Variants in PHYKPL observed in about 807,000 individuals in gnomAD.
PHYKPL encodes the protein 5-phosphonooxy-L-lysine phospho-lyase.
In PHYKPL, 42 loss-of-function variants were observed where a neutral mutation model predicts 51.3. The observed-to-expected ratio is 0.82, with a 90% CI of 0.64 to 1.06. PHYKPL has a LOEUF of 1.06. PHYKPL is among the 50% of genes least tolerant of loss of function. The pLI, the probability that PHYKPL is intolerant of heterozygous loss-of-function variation, is 0.00. For missense variants in PHYKPL, 655 were observed against 586.6 expected, an observed-to-expected ratio of 1.12 and a Z score of -1.20; for synonymous variants, 264 against 236.0, an observed-to-expected ratio of 1.12 and a Z score of -1.09.
Position 178,215,257 on chromosome 5 carries a change from G to A in PHYKPL, c.1082+19C>T. 3 of 1,613,822 alleles carry A rather than the reference G, an allele frequency of 1.9e-6. No individual in the cohort carries two copies. The highest frequency in any genetic ancestry group is 2.5e-6 in the Non-Finnish European group (3 of 1,179,896). ...GGGCCTTGGCAGGTGGGTGGTGACT[G>A]CTGCCCCCAGAGCCTCACCTGACAT... On this transcript the variant is annotated intron_variant, in intron 9 of 12. Coordinates refer to ENST00000308158, the MANE Select transcript of PHYKPL (RefSeq NM_153373.4).
Position 178,231,463 on chromosome 5 carries a change from C to G in PHYKPL, c.120G>C (p.Gln40His), listed in dbSNP as rs747362823. 1 of 1,614,204 alleles carries G rather than the reference C, an allele frequency of 6.2e-7. No homozygotes were observed. The highest frequency in any genetic ancestry group is 8.5e-7 in the Non-Finnish European group (1 of 1,180,032). The change falls in exon 2 of 13, where the codon CAG (glutamine) becomes CAC (histidine). Residue 40 changes from glutamine to histidine, a missense_variant. Coordinates refer to ENST00000308158, the MANE Select transcript of PHYKPL (RefSeq NM_153373.4). Reference sequence around the variant, plus strand: ...CTGCCCCCTGTTCATCGTACATGTACTGCCCTTGGGCCCGGACAATCTTAA... The same window carrying G: ...CTGCCCCCTGTTCATCGTACATGTAGTGCCCTTGGGCCCGGACAATCTTAA... Reference protein sequence around the residue: ...DPVKIVRAQGQYMYDEQGAEY... With the variant: ...DPVKIVRAQGHYMYDEQGAEY...
rs199969475 is a variant in PHYKPL at position 178,210,657 on chromosome 5, A to G, written c.*31+1233T>C. On this transcript the variant is annotated intron_variant, in intron 12 of 12. Coordinates refer to ENST00000308158, the MANE Select transcript of PHYKPL (RefSeq NM_153373.4). ...CAGGAGCGACCAACTGATCGCACAC[A>G]TGCTTTGTTTGGATATGGAGTGAAC... The G allele has an allele frequency of 8.6e-5, 133 of 1,547,308 alleles. 1 individual carries two copies. The East Asian group carries it at 1.9e-3, about 22-fold the overall frequency.
At chr5:178,215,699 AG>A in intron 8 of PHYKPL, 1 of 448,828 alleles carries the variant, frequency 2.2e-6, no homozygotes, top group South Asian at 3.4e-5. Context: ...ATCAGAGGAG[AG>A]GGTGTCCTGT....
At chr5:178,212,051 G>A (rs1758615893) in intron 11 of PHYKPL, 81 bp from the exon 12 acceptor site, 7 of 1,487,718 alleles carry the variant, frequency 4.7e-6, no homozygotes, top group Non-Finnish European at 6.5e-6. Context: ...GTCCAAACTG[G>A]AGGACAGTTT....
chr5:178,207,731 C>G (rs942957831), downstream of PHYKPL, among the ~76,000 whole-genome samples: 4 of 97,918 alleles, frequency 4.1e-5, no homozygotes, highest in South Asian at 3.5e-4. Context: ...GAGACAGAGT[C>G]TTGCTTTGTT....
At chr5:178,212,449 T>G (rs905135737) in intron 11 of PHYKPL, among the ~76,000 whole-genome samples, 1 of 152,220 alleles carries the variant, frequency 6.6e-6, no homozygotes, top group African/African-American at 2.4e-5. Flanking sequence ...CCATGAGATT[T>G]CCTTGTAAGT....
intron 7 of PHYKPL, 44 bp from the exon 8 acceptor site, chr5:178,222,624 G>A: frequency 1.9e-6 from 3 of 1,598,314 alleles, no homozygotes; most frequent in Middle Eastern, 1.7e-4. Context: ...TGGTTGAGAG[G>A]GATAAGATCA....
intron 8 of PHYKPL, among the ~76,000 whole-genome samples, chr5:178,218,235 A>G (rs1164675403): frequency 3.5e-4 from 47 of 135,576 alleles, no homozygotes; most frequent in East Asian, 5.8e-4. Flanking sequence ...AAAAAAAAAA[A>G]AAAGAAAGAA....
chr5:178,232,401 G>GCGTGCGTAGTGCGTGCGTGCGTGCGT (rs1763676336), intron 1 of PHYKPL, 91 bp downstream of exon 1: 1 of 1,335,902 alleles, frequency 7.5e-7, no homozygotes, highest in Non-Finnish European at 9.5e-7. Flanking sequence ...AGCCGGAGGC[G>GCGTGCGTAGTGCGTGCGTGCGTGCGT]CGTGCGTAGT....
chr5:178,220,299 G>C (rs535279839), intron 8 of PHYKPL, among the ~76,000 whole-genome samples: 1 of 151,678 alleles, frequency 6.6e-6, no homozygotes, highest in Non-Finnish European at 1.5e-5. Context: ...AGGAGTTCAA[G>C]AGCAGCCTGA....
rs762501636 is a variant in PHYKPL at position 178,224,733 on chromosome 5, GGGA to G, written c.414-7_414-5del. Reference sequence around the variant, plus strand: ...GCTCAGGTGGCCGTGATACGCACTGGGGAGGAGAAGGGAGGGTAGGCTCGGGTC... The same window carrying G: ...GCTCAGGTGGCCGTGATACGCACTGGGGAGAAGGGAGGGTAGGCTCGGGTC... On this transcript the variant is annotated splice_region_variant and splice_polypyrimidine_tract_variant and intron_variant, in intron 4 of 12. Transcript: ENST00000308158. The G allele has an allele frequency of 2.0e-5, 32 of 1,609,018 alleles. No homozygotes were observed. Among genetic ancestry groups the G allele is most frequent in the Middle Eastern group, 3.3e-4 (2 of 6,058 alleles).
At chr5:178,232,818 G>A, upstream of PHYKPL, 3 of 290,154 alleles carry the variant, frequency 1.0e-5, no homozygotes, top group Non-Finnish European at 1.8e-5. Context: ...TCCGGGACGC[G>A]CCCCGGGCCT....
rs1259768248 is a variant in PHYKPL, at chr5:178,230,080, G to A, written c.198C>T (p.Leu66=). 5 of 1,613,944 alleles carry A rather than the reference G, an allele frequency of 3.1e-6. No homozygotes were observed. The highest frequency in any genetic ancestry group is 3.4e-6 in the Non-Finnish European group (4 of 1,180,034). The stretch of plus-strand genomic sequence containing the variant: ...TCTGCTCATGTGCTGCTTGGACCAC[G>A]AGAGGGTGGCAGTGCCCAACTGGAA... The part of the protein sequence containing the change: ...NVAHVGHCHP[L]VVQAAHEQNQ... Residue 66 remains leucine (L), a synonymous_variant, in exon 3 of 13, where the codon CTC becomes CTT. Coordinates refer to ENST00000308158, the MANE Select transcript of PHYKPL (RefSeq NM_153373.4).
Position 178,222,894 on chromosome 5 carries a change from C to T in PHYKPL, c.659G>A (p.Gly220Glu). The change falls in exon 7 of 13, where the codon GGG becomes GAG. Residue 220 changes from glycine (G) to glutamate (E), a missense_variant. Coordinates refer to ENST00000308158, the MANE Select transcript of PHYKPL (RefSeq NM_153373.4). ...GTAGCCAGCAGGGGGAATGATCTGC[C>T]CTCCCACACTGGGCAGAGACTCAGC... ...FFAESLPSVG[G>E]QIIPPAGYFS... 6.2e-7 allele frequency: 1 copy of T among 1,614,144 alleles called. No individual in the cohort carries two copies. Among genetic ancestry groups the T allele is most frequent in the Non-Finnish European group, 8.5e-7 (1 of 1,180,036 alleles).
At chr5:178,232,213 G>T (rs893829429) in intron 1 of PHYKPL, 7 of 1,256,618 alleles carry the variant, frequency 5.6e-6, no homozygotes, top group African/African-American at 1.5e-5. Context: ...TGACACAGCC[G>T]AACAGCGGTG....
In PHYKPL at chr5:178,232,551, G is replaced by T; in HGVS notation, c.-1C>A. The T allele has an allele frequency of 7.7e-7, 1 of 1,294,170 alleles. No individual in the cohort carries two copies. The highest frequency in any genetic ancestry group is 9.8e-7 in the Non-Finnish European group (1 of 1,025,120). The allele number at this position is 1,294,170 out of a possible 1,614,324, so 80.2% of individuals were successfully genotyped here. A position where few individuals can be genotyped will look rare whatever the true frequency, so the allele number is the denominator to read the frequency against. On this transcript the variant is annotated 5_prime_UTR_variant, in exon 1 of 13. Transcript: ENST00000308158. The stretch of plus-strand genomic sequence containing the variant: ...CCTTCGGGCGCTGGTCTGCGGCCAT[G>T]GTGGGTGGCCGTCAGTCGGTGCCGT...
intron 1 of PHYKPL, chr5:178,232,178 C>A: frequency 8.1e-7 from 1 of 1,228,716 alleles, no homozygotes; most frequent in Non-Finnish European, 1.0e-6. Flanking sequence ...AGGTCTTCTC[C>A]GGAGTAAAGG....
intron 11 of PHYKPL, 92 bp downstream of exon 11, chr5:178,212,881 C>G: frequency 6.5e-7 from 1 of 1,540,980 alleles, no homozygotes; most frequent in Non-Finnish European, 8.8e-7. Flanking sequence ...CTCTTGGACT[C>G]TTGTCCCCTC....
chr5:178,229,201 G>T (rs551536515), intron 3 of PHYKPL, among the ~76,000 whole-genome samples: 29 of 150,936 alleles, frequency 1.9e-4, no homozygotes, highest in Non-Finnish European at 3.7e-4. Context: ...CCGCCTCCCG[G>T]TTCAAGCGAT....
Sources: allele counts gnomAD v4.1 joint callset (sites outside exome capture counted in the v4.1 genomes callset), GRCh38; gene constraint gnomAD v4.1.1; transcripts MANE v1.5; gene names NCBI Gene and HGNC (gene_info 2026-07-23, HGNC 2026-07-21).